CORO2B: variants seen among roughly 807,000 people sequenced by gnomAD.
CORO2B encodes coronin 2B, also known as coronin-2B.
In CORO2B, 26 loss-of-function variants were observed where a neutral mutation model predicts 58.8. That is an observed-to-expected ratio of 0.44 (90% confidence interval 0.32 to 0.61). The LOEUF (loss-of-function observed/expected upper bound fraction) is 0.61. Among genes scored for constraint, CORO2B ranks in the 20% least tolerant of loss-of-function variants. The probability of loss-of-function intolerance (pLI) is 0.04; values close to 1 mark genes in which losing one functional copy is unlikely to be tolerated. For missense variants in CORO2B, 460 were observed against 645.1 expected (o/e 0.71, Z 3.11); for synonymous variants, 242 against 253.8 (o/e 0.95, Z 0.44).
intron 1 of CORO2B, among the ~76,000 whole-genome samples, chr15:68,582,027 C>G (rs984708608): frequency 1.3e-5 from 2 of 152,192 alleles, no homozygotes; most frequent in African/African-American, 4.8e-5. Flanking sequence ...AAGAGGAAAG[C>G]AGATGGCAAG....
intron 2 of CORO2B, among the ~76,000 whole-genome samples, chr15:68,679,117 G>T (rs1172470716): frequency 6.6e-6 from 1 of 152,236 alleles, no homozygotes; most frequent in Admixed American, 6.5e-5. Flanking sequence ...CTGGCACCGT[G>T]CTGGGTGTTG....
intron 1 of CORO2B, among the ~76,000 whole-genome samples, chr15:68,598,792 G>T (rs542567654): frequency 6.6e-6 from 1 of 152,172 alleles, no homozygotes; most frequent in African/African-American, 2.4e-5. Context: ...GTACAGAAAC[G>T]CTGCCAAAAG....
At chr15:68,564,625 T>C in the CORO2B span, among the ~76,000 whole-genome samples, 61 of 152,326 alleles carry the variant, frequency 4.0e-4, 1 homozygote, top group African/African-American at 1.5e-3. Flanking sequence ...AGCAGTGAAA[T>C]CTTTCTTTCT....
intron 3 of CORO2B, among the ~76,000 whole-genome samples, chr15:68,705,181 C>T (rs371738574): frequency 1.7e-4 from 26 of 152,136 alleles, no homozygotes. Flanking sequence ...CTAATACTAT[C>T]TAAATGTGCA....
At chr15:68,565,457 G>A in the CORO2B span, among the ~76,000 whole-genome samples, 6 of 151,246 alleles carry the variant, frequency 4.0e-5, no homozygotes, top group Admixed American at 1.3e-4. Flanking sequence ...CTGCTCCACA[G>A]GCCTCTTCTG....
chr15:68,693,310 C>T (rs557112605), intron 2 of CORO2B, among the ~76,000 whole-genome samples: 34 of 152,358 alleles, frequency 2.2e-4, no homozygotes, highest in African/African-American at 8.2e-4. Flanking sequence ...AGGACACATA[C>T]TCTGAAATAA....
rs757369382 is a variant in CORO2B at position 68,711,542 on chromosome 15, G to T, written c.484G>T (p.Val162Phe). 3 of 1,610,614 alleles carry T rather than the reference G, an allele frequency of 1.9e-6. No individual in the cohort carries two copies. The highest frequency in any genetic ancestry group is 2.5e-6 in the Non-Finnish European group (3 of 1,177,758). ...GCCTCCCATGCATCTGCCCTCGCAG[G>T]TCCTCATCTGGAACCTGGATGTGGG... is the stretch of plus-strand genomic sequence containing the variant. ...ILFSAGYDYK[V>F]LIWNLDVGEP... Residue 162 changes from valine to phenylalanine, a missense_variant and splice_region_variant, in exon 5 of 12, where the codon GTC becomes TTC. Transcript: ENST00000261861.
chr15:68,697,212 T>C (rs868805534), intron 3 of CORO2B, among the ~76,000 whole-genome samples: 5 of 147,056 alleles, frequency 3.4e-5, no homozygotes, highest in African/African-American at 1.0e-4. Context: ...ATGGATGGAT[T>C]GTTGGATGGA....
rs1412962335 is a variant in CORO2B at position 68,713,942 on chromosome 15, C to A, written c.666C>A (p.Asn222Lys). Residue 222 changes from asparagine to lysine, a missense_variant, in exon 6 of 12, where the codon AAC becomes AAA. By Grantham distance (94) the Asn-to-Lys change is moderately conservative. Around this residue, in one of 2 missense-constraint regions of CORO2B, gnomAD observed 352 missense variants for 543.0 expected, o/e 0.65. Transcript: ENST00000261861. ...CCTACTAGGAGGCCAACTGCAAAAA[C>A]CACAGAGTGAACCGGGTGGTGTTCC... is the stretch of plus-strand genomic sequence containing the variant. Reference protein sequence around the residue: ...GRVLQEANCKNHRVNRVVFLG... With the variant: ...GRVLQEANCKKHRVNRVVFLG... The A allele has an allele frequency of 6.2e-7, 1 of 1,613,954 alleles. No homozygotes were observed. The highest frequency in any genetic ancestry group is 1.3e-5 in the African/African-American group (1 of 74,928).
intron 1 of CORO2B, among the ~76,000 whole-genome samples, chr15:68,589,341 G>A (rs1469407179): frequency 2.6e-5 from 4 of 152,180 alleles, no homozygotes; most frequent in Non-Finnish European, 5.9e-5. Flanking sequence ...TTCATCAAAG[G>A]GCTATGCATG....
chr15:68,558,497 C>G, the CORO2B span, among the ~76,000 whole-genome samples: 1 of 152,136 alleles, frequency 6.6e-6, no homozygotes, highest in Non-Finnish European at 1.5e-5. Flanking sequence ...GCCTCAGCCT[C>G]CTGAGCAGCT....
the CORO2B span, among the ~76,000 whole-genome samples, chr15:68,567,312 C>A: frequency 2.0e-5 from 3 of 151,966 alleles, no homozygotes; most frequent in African/African-American, 7.3e-5. Context: ...AAGTTCAAAG[C>A]GGCCAAAGCA....
chr15:68,694,266 C>T (rs951541588), intron 2 of CORO2B, among the ~76,000 whole-genome samples: 1 of 152,172 alleles, frequency 6.6e-6, no homozygotes, highest in Admixed American at 6.5e-5. Flanking sequence ...TAAGTGCTGT[C>T]ATATATTGAG....
At chr15:68,606,213 G>A (rs1179138378) in intron 1 of CORO2B, among the ~76,000 whole-genome samples, 3 of 152,140 alleles carry the variant, frequency 2.0e-5, no homozygotes, top group African/African-American at 2.4e-5. Flanking sequence ...CCAGGAGTGG[G>A]AATTTTGGAG....
chr15:68,669,647 T>G (rs1012854267), intron 2 of CORO2B, among the ~76,000 whole-genome samples: 1 of 152,290 alleles, frequency 6.6e-6, no homozygotes, highest in African/African-American at 2.4e-5. Flanking sequence ...AAAAAAAAAT[T>G]CAACTTTCTA....
chr15:68,533,272 G>T, the CORO2B span, among the ~76,000 whole-genome samples: 1 of 151,922 alleles, frequency 6.6e-6, no homozygotes, highest in African/African-American at 2.4e-5. Flanking sequence ...CTGTTTGCTA[G>T]TTTACTATGA....
the CORO2B span, among the ~76,000 whole-genome samples, chr15:68,521,990 G>T: frequency 3.9e-5 from 6 of 152,170 alleles, no homozygotes; most frequent in Admixed American, 3.9e-4. Flanking sequence ...AAAATTTTTT[G>T]TAGAGACAAG....
At chr15:68,526,447 T>G in the CORO2B span, among the ~76,000 whole-genome samples, 1 of 152,240 alleles carries the variant, frequency 6.6e-6, no homozygotes, top group East Asian at 1.9e-4. Context: ...TTCTAATGGG[T>G]GTGTAGTCAT....
chr15:68,594,766 G>C (rs1479035759), intron 1 of CORO2B, among the ~76,000 whole-genome samples: 1 of 152,192 alleles, frequency 6.6e-6, no homozygotes, highest in Non-Finnish European at 1.5e-5. Context: ...GAAGGAAGTG[G>C]GGTGGGATTC....
Sources: gnomAD v4.1 joint callset for allele counts (sites outside exome capture counted in the v4.1 genomes callset) on GRCh38, gnomAD v4.1.1 for gene constraint, gnomAD v4.1.1 regional missense constraint, MANE v1.5 for transcripts, NCBI Gene and HGNC (gene_info 2026-07-23, HGNC 2026-07-21) for gene names.